The following CCDC63 variants were observed in gnomAD, a reference collection of about 807,000 sequenced individuals.
CCDC63 encodes the protein coiled-coil domain-containing protein 63.
In CCDC63, 54 loss-of-function variants were observed where a neutral mutation model predicts 63.6. The ratio of observed to expected loss-of-function variants is 0.85; its 90% confidence interval spans 0.68 to 1.07. The LOEUF is 1.07. Ranked by LOEUF, CCDC63 falls within the 50% of genes least tolerant of loss-of-function variation. The pLI is 0.00. For synonymous variants in CCDC63, 253 were observed against 266.1 expected (o/e 0.95, Z 0.48); for missense variants, 637 against 689.6 (o/e 0.92, Z 0.86).
chr12:110,891,824 T>C (rs2071360940), intron 8 of CCDC63, among the ~76,000 whole-genome samples: 1 of 152,116 alleles, frequency 6.6e-6, no homozygotes, highest in Admixed American at 6.5e-5. Flanking sequence ...GACATTTGAT[T>C]GTCCCCAACT....
rs2071446969 is a variant in CCDC63 at position 110,898,787 on chromosome 12, A to G, written c.1150-146A>G. 1.6e-5 allele frequency: 8 copies of G among 499,344 alleles called. No homozygotes were observed. The South Asian group carries it at 4.2e-4, about 26-fold the overall frequency. The allele number at this position is 499,344 out of a possible 1,614,324, so 30.9% of individuals were successfully genotyped here. ...ATTCTATTTTATTTTATTTCTTTAA[A>G]ATTTGATGGGAACCCATTTAATTGA... On this transcript the variant is annotated intron_variant, in intron 9 of 11. Coordinates refer to ENST00000308208, the MANE Select transcript of CCDC63 (RefSeq NM_152591.3).
chr12:110,891,036 CCCAAAGCACTGGGA>C (rs2071350596), intron 8 of CCDC63, among the ~76,000 whole-genome samples: 1 of 152,052 alleles, frequency 6.6e-6, no homozygotes, highest in Non-Finnish European at 1.5e-5. Context: ...ACCTTGGCCT[CCCAAAGCACTGGGA>C]TAACAGGCAT....
intron 4 of CCDC63, among the ~76,000 whole-genome samples, chr12:110,859,919 C>G (rs1234597845): frequency 2.0e-5 from 3 of 152,092 alleles, no homozygotes; most frequent in African/African-American, 4.8e-5. Flanking sequence ...CCCCTTCCCC[C>G]ACTCCCGCTT....
intron 8 of CCDC63, among the ~76,000 whole-genome samples, chr12:110,886,611 C>T (rs543568888): frequency 8.5e-5 from 13 of 152,212 alleles, no homozygotes; most frequent in South Asian, 2.1e-4. Flanking sequence ...AAATTAGGGA[C>T]GGGCCCAGGG....
In CCDC63 at chr12:110,858,614, C is replaced by T. The variant is rs200794196; in HGVS notation, c.208C>T (p.Gln70Ter). The T allele has an allele frequency of 3.3e-5, 54 of 1,613,128 alleles. No individual in the cohort carries two copies. The highest frequency in any genetic ancestry group is 1.7e-4 in the Middle Eastern group (1 of 6,050). The change falls in exon 4 of 12, where the codon CAG (glutamine) becomes TAG (stop). Residue 70 changes from glutamine (Q) to a stop codon, truncating the protein, a stop_gained. Transcript: ENST00000308208. LOFTEE classifies it high-confidence loss of function. ...GGAGATCAAGACCCTGAAGACAGAG[C>T]AGGATGAGATCACCCTACTGTTGAG... ...YKEIKTLKTE[Q>*]DEITLLLSLM... is the part of the protein sequence containing the mutation.
At chr12:110,858,020 C>T (rs966412682) in intron 3 of CCDC63, among the ~76,000 whole-genome samples, 2 of 151,904 alleles carry the variant, frequency 1.3e-5, no homozygotes, top group African/African-American at 4.8e-5. Flanking sequence ...GCAGGAGAAT[C>T]GCTTGAACCT....
intron 3 of CCDC63, among the ~76,000 whole-genome samples, chr12:110,855,815 A>G (rs148200037): frequency 6.6e-6 from 1 of 152,162 alleles, no homozygotes; most frequent in Non-Finnish European, 1.5e-5. Flanking sequence ...TCCTGACCTC[A>G]GGTGATCCAC....
chr12:110,862,221 G>A (rs1267329372), intron 4 of CCDC63, among the ~76,000 whole-genome samples: 1 of 152,214 alleles, frequency 6.6e-6, no homozygotes, highest in Non-Finnish European at 1.5e-5. Flanking sequence ...AACACAGCGT[G>A]GGGTCCTCAG....
intron 5 of CCDC63, among the ~76,000 whole-genome samples, chr12:110,874,286 C>T (rs2071103979): frequency 6.6e-6 from 1 of 152,096 alleles, no homozygotes; most frequent in African/African-American, 2.4e-5. Context: ...TTAGACCTTC[C>T]TCCTCTGTGA....
At chr12:110,849,402 A>G (rs185428582) in intron 1 of CCDC63, among the ~76,000 whole-genome samples, 3 of 151,618 alleles carry the variant, frequency 2.0e-5, no homozygotes, top group Non-Finnish European at 2.9e-5. Context: ...ATTTCTCTTC[A>G]TGGTCATGGG....
At chr12:110,864,865 A>G (rs1411113528) in intron 4 of CCDC63, among the ~76,000 whole-genome samples, 1 of 152,114 alleles carries the variant, frequency 6.6e-6, no homozygotes, top group Non-Finnish European at 1.5e-5. Context: ...GGTAAGGCAA[A>G]CTTCAGGGCT....
intron 7 of CCDC63, 110 bp from the exon 8 acceptor site, chr12:110,883,920 G>A (rs76024719): frequency 0.072 from 61,622 of 855,534 alleles, 2,913 homozygotes; most frequent in East Asian, 0.18. Context: ...GATTACAGGC[G>A]TGAGTCACCA....
intron 1 of CCDC63, 143 bp from the exon 2 acceptor site, chr12:110,852,716 C>T (rs1210420727): frequency 1.6e-5 from 10 of 617,790 alleles, no homozygotes; most frequent in Middle Eastern, 4.4e-4. Context: ...TTGTCACACC[C>T]GGGCAGCCAT....
chr12:110,882,637 G>C lies in CCDC63; in HGVS notation c.853+1341G>C, dbSNP rs1030636152. Reference sequence around the variant, plus strand: ...TACCCCAAATTCTTACTGGGGGCTGGTCGTGTAGACACCCTCTGCCTAGCA... The same window carrying C: ...TACCCCAAATTCTTACTGGGGGCTGCTCGTGTAGACACCCTCTGCCTAGCA... On this transcript the variant is annotated intron_variant, in intron 7 of 11. Transcript: ENST00000308208. Among the ~76,000 whole-genome samples the C allele has an allele frequency of 2.6e-5, 4 of 151,900 alleles. 1 individual carries two copies. Among genetic ancestry groups the C allele is most frequent in the Admixed American group, 2.6e-4 (4 of 15,242 alleles).
chr12:110,885,190 A>AAG (rs202051532), intron 8 of CCDC63, among the ~76,000 whole-genome samples: 2 of 150,436 alleles, frequency 1.3e-5, no homozygotes, highest in African/African-American at 5.0e-5. Flanking sequence ...AAAAAAAAAA[A>AAG]AGAGAGAGAG....
intron 8 of CCDC63, 102 bp downstream of exon 8, chr12:110,884,352 C>T (rs1418325189): frequency 2.3e-5 from 20 of 851,908 alleles, no homozygotes; most frequent in Non-Finnish European, 3.9e-5. Flanking sequence ...CTACAGAAAG[C>T]AGTTTGGCCA....
At chr12:110,851,966 C>G (rs1378015148) in intron 1 of CCDC63, among the ~76,000 whole-genome samples, 2 of 152,150 alleles carry the variant, frequency 1.3e-5, no homozygotes, top group Non-Finnish European at 2.9e-5. Context: ...ATGCTTTAAA[C>G]CATTGCATTG....
At chr12:110,896,220 AG>A (rs2071413855) in intron 9 of CCDC63, among the ~76,000 whole-genome samples, 1 of 152,124 alleles carries the variant, frequency 6.6e-6, no homozygotes, top group South Asian at 2.1e-4. Flanking sequence ...AGCTCACTGC[AG>A]CCTCAACCTC....
At chr12:110,875,055 C>A (rs969618705) in intron 5 of CCDC63, among the ~76,000 whole-genome samples, 8 of 152,140 alleles carry the variant, frequency 5.3e-5, no homozygotes, top group African/African-American at 1.9e-4. Context: ...CTTAGCTTCC[C>A]CCAGACTTTG....
Sources: allele counts gnomAD v4.1 joint callset (sites outside exome capture counted in the v4.1 genomes callset), GRCh38; gene constraint gnomAD v4.1.1; transcripts MANE v1.5; gene names NCBI Gene and HGNC (gene_info 2026-07-23, HGNC 2026-07-21).